Variants in SPIRE1 observed in about 807,000 individuals in gnomAD.
SPIRE1 encodes protein spire homolog 1.
SPIRE1 carries 40 observed loss-of-function variants against 94.1 expected under a neutral mutation model. That is an observed-to-expected ratio of 0.43 (90% CI 0.33 to 0.55). The LOEUF (loss-of-function observed/expected upper bound fraction) is 0.55. Among genes scored for constraint, SPIRE1 ranks in the 20% least tolerant of loss-of-function variants. The pLI is 0.06. For synonymous variants in SPIRE1, 376 were observed against 371.7 expected (o/e 1.01, Z -0.13); for missense variants, 838 against 975.2 (o/e 0.86, Z 1.87).
chr18:12,573,196 C>G (rs1235558064), intron 2 of SPIRE1, among the ~76,000 whole-genome samples: 1 of 152,038 alleles, frequency 6.6e-6, no homozygotes, highest in Non-Finnish European at 1.5e-5. Context: ...GTACACCTCA[C>G]CAAAGAAGAT....
chr18:12,519,704 G>A lies in SPIRE1; in HGVS notation c.730-7173C>T, dbSNP rs180779045. The stretch of plus-strand genomic sequence containing the variant: ...ATTGACAAATGATTCTTAAGTACAT[G>A]AAAAGATATCTGATCTCATTTACAA... On this transcript the variant is annotated intron_variant, in intron 4 of 16. Coordinates refer to ENST00000409402, the MANE Select transcript of SPIRE1 (RefSeq NM_001128626.2). Among the ~76,000 whole-genome samples, 341 of 152,264 alleles carry A rather than the reference G, an allele frequency of 2.2e-3. 3 individuals carry two copies. Among genetic ancestry groups the A allele is most frequent in the Non-Finnish European group, 2.2e-3 (147 of 68,000 alleles).
At chr18:12,615,302 G>A (rs1334439651) in intron 2 of SPIRE1, among the ~76,000 whole-genome samples, 21 of 86,056 alleles carry the variant, frequency 2.4e-4, no homozygotes, top group Non-Finnish European at 4.0e-4. Flanking sequence ...ACTCCAGCTT[G>A]GGCAACAAGA....
chr18:12,606,820 C>T (rs746061613), intron 2 of SPIRE1, among the ~76,000 whole-genome samples: 5 of 152,164 alleles, frequency 3.3e-5, no homozygotes, highest in African/African-American at 9.7e-5. Context: ...TGTGAGCCAT[C>T]GCACGGGGCC....
intron 2 of SPIRE1, among the ~76,000 whole-genome samples, chr18:12,597,620 T>C: frequency 6.6e-6 from 1 of 152,332 alleles, no homozygotes. Flanking sequence ...AGAAATAATT[T>C]GCTGTATAGT....
chr18:12,454,609 T>A (rs2031420183), intron 12 of SPIRE1, 126 bp from the exon 13 acceptor site: 3 of 829,292 alleles, frequency 3.6e-6, no homozygotes, highest in Non-Finnish European at 3.9e-6. Context: ...CAATGACCAC[T>A]GGGGCAGAGC....
chr18:12,645,813 G>A (rs1295916435), intron 1 of SPIRE1, among the ~76,000 whole-genome samples: 8 of 151,868 alleles, frequency 5.3e-5, no homozygotes, highest in Non-Finnish European at 1.0e-4. Flanking sequence ...ATACACACTC[G>A]ACCATGTGGC....
At chr18:12,540,925 T>A (rs1193264573) in intron 3 of SPIRE1, among the ~76,000 whole-genome samples, 2 of 152,182 alleles carry the variant, frequency 1.3e-5, no homozygotes, top group African/African-American at 2.4e-5. Flanking sequence ...GGGGTGTGAA[T>A]CACCCCTTTG....
chr18:12,454,597 C>CATTAGTAG, intron 12 of SPIRE1, 114 bp from the exon 13 acceptor site: 9 of 963,676 alleles, frequency 9.3e-6, no homozygotes, highest in African/African-American at 6.4e-5. Flanking sequence ...GAACAGGTTT[C>CATTAGTAG]CCAATGACCA....
At chr18:12,592,860 G>A (rs930117021) in intron 2 of SPIRE1, among the ~76,000 whole-genome samples, 13 of 152,180 alleles carry the variant, frequency 8.5e-5, no homozygotes, top group South Asian at 2.1e-4. Context: ...TAATCCAGTC[G>A]TTGTTTTCCT....
chr18:12,495,523 G>C (rs762540453), intron 7 of SPIRE1, among the ~76,000 whole-genome samples: 1 of 152,134 alleles, frequency 6.6e-6, no homozygotes, highest in African/African-American at 2.4e-5. Flanking sequence ...CATGACCCAG[G>C]TTGTTTTGAG....
At position 12,557,594 on chromosome 18, in the gene SPIRE1, A is replaced by G. The variant is rs562016253; in HGVS notation, c.373-10690T>C. ...GGCCAGCCCAGAGAGGGGCTCCCACAGTGCAGTGGCAGGCTGAAGGGCTCC... is the reference window on the plus strand; with the variant it reads ...GGCCAGCCCAGAGAGGGGCTCCCACGGTGCAGTGGCAGGCTGAAGGGCTCC... On this transcript the variant is annotated intron_variant, in intron 2 of 16. Coordinates refer to ENST00000409402, the MANE Select transcript of SPIRE1 (RefSeq NM_001128626.2). Among the ~76,000 whole-genome samples, 20 of 152,264 alleles carry G rather than the reference A, an allele frequency of 1.3e-4. No individual in the cohort carries two copies. The East Asian group carries it at 3.3e-3, about 25-fold the overall frequency.
rs191870340 is a variant in SPIRE1 at position 12,653,870 on chromosome 18, C to T, written c.337+3660G>A. On this transcript the variant is annotated intron_variant, in intron 1 of 16. Coordinates refer to ENST00000409402, the MANE Select transcript of SPIRE1 (RefSeq NM_001128626.2). ...CTGAGGCAGGAGAATCTCTTGAACCCGGGAGGCGGAAGTGGCAGTGAGCCA... is the reference window on the plus strand; with the variant it reads ...CTGAGGCAGGAGAATCTCTTGAACCTGGGAGGCGGAAGTGGCAGTGAGCCA... Among the ~76,000 whole-genome samples the T allele has an allele frequency of 2.5e-3, 380 of 151,460 alleles. 3 individuals carry two copies. The highest frequency in any genetic ancestry group is 3.8e-3 in the Non-Finnish European group (258 of 67,886).
chr18:12,625,508 A>T (rs1354712152), intron 2 of SPIRE1, among the ~76,000 whole-genome samples: 1 of 152,234 alleles, frequency 6.6e-6, no homozygotes, highest in Non-Finnish European at 1.5e-5. Context: ...GATCAGGCAA[A>T]GCCATCTGCT....
At position 12,452,243 on chromosome 18, in the gene SPIRE1, C is replaced by T; in HGVS notation, c.2012+12G>A. On this transcript the variant is annotated intron_variant, in intron 16 of 16. Coordinates refer to ENST00000409402, the MANE Select transcript of SPIRE1 (RefSeq NM_001128626.2). The stretch of plus-strand genomic sequence containing the variant: ...GCAAAGGATGGTTTGACAACCCAGG[C>T]CCCTTGCTCACCTGGCAATGCTCCG... The T allele has an allele frequency of 6.2e-7, 1 of 1,613,290 alleles. No individual in the cohort carries two copies. The highest frequency in any genetic ancestry group is 8.5e-7 in the Non-Finnish European group (1 of 1,179,876).
chr18:12,570,307 C>T (rs894110355), intron 2 of SPIRE1, among the ~76,000 whole-genome samples: 8 of 152,176 alleles, frequency 5.3e-5, no homozygotes, highest in African/African-American at 1.9e-4. Flanking sequence ...CAATAGATAG[C>T]GTAAGTCTTA....
intron 2 of SPIRE1, among the ~76,000 whole-genome samples, chr18:12,555,816 C>A (rs1251307405): frequency 2.0e-5 from 3 of 152,062 alleles, no homozygotes; most frequent in African/African-American, 4.8e-5. Flanking sequence ...GAAGTCCTAG[C>A]TAGAGCAATC....
At position 12,614,175 on chromosome 18, in the gene SPIRE1, T is replaced by C. The variant is rs188913380; in HGVS notation, c.372+20887A>G. On this transcript the variant is annotated intron_variant, in intron 2 of 16. Coordinates refer to ENST00000409402, the MANE Select transcript of SPIRE1 (RefSeq NM_001128626.2). ...AGTTGGGAGGCTGAGGCAGGAGGACTGCTTGAGCCCAGAAGGTGCAGACTG... is the reference window on the plus strand; with the variant it reads ...AGTTGGGAGGCTGAGGCAGGAGGACCGCTTGAGCCCAGAAGGTGCAGACTG... Among the ~76,000 whole-genome samples the C allele has an allele frequency of 1.8e-3, 276 of 151,954 alleles. 1 individual carries two copies. The highest frequency in any genetic ancestry group is 6.4e-3 in the African/African-American group (267 of 41,434).
At chr18:12,496,751 C>T (rs2033473751) in intron 6 of SPIRE1, among the ~76,000 whole-genome samples, 1 of 152,138 alleles carries the variant, frequency 6.6e-6, no homozygotes, top group African/African-American at 2.4e-5. Flanking sequence ...CACCTGTAGT[C>T]CCAGCTACTC....
intron 2 of SPIRE1, among the ~76,000 whole-genome samples, chr18:12,632,964 C>T (rs576107835): frequency 9.1e-4 from 138 of 152,292 alleles, no homozygotes; most frequent in South Asian, 1.7e-3. Flanking sequence ...ATATTTGTAT[C>T]ATCTTAATTC....
Sources: allele counts gnomAD v4.1 joint callset (sites outside exome capture counted in the v4.1 genomes callset), GRCh38; gene constraint gnomAD v4.1.1; transcripts MANE v1.5; gene names NCBI Gene and HGNC (gene_info 2026-07-23, HGNC 2026-07-21).